WDFY4: variants seen among roughly 807,000 people sequenced by gnomAD.
WDFY4 encodes the protein WDFY family member 4.
In WDFY4, 169 loss-of-function variants were observed where a neutral mutation model predicts 351.9. The observed-to-expected ratio is 0.48, with a 90% CI of 0.42 to 0.55. WDFY4 has a LOEUF of 0.55. Among genes scored for constraint, WDFY4 ranks in the 20% least tolerant of loss-of-function variants. The pLI is 0.00. For synonymous variants in WDFY4, 1,622 were observed against 1,574.6 expected (o/e 1.03, Z -0.71); for missense variants, 3,803 against 3,935.6 (o/e 0.97, Z 0.90).
intron 12 of WDFY4, among the ~76,000 whole-genome samples, chr10:48,759,269 T>C (rs1266512188): frequency 6.6e-6 from 1 of 152,216 alleles, no homozygotes; most frequent in Non-Finnish European, 1.5e-5. Context: ...CAGAGGTTAA[T>C]ATACAACTTT....
chr10:48,846,451 G>A (rs1037656826), intron 39 of WDFY4, among the ~76,000 whole-genome samples: 1 of 152,134 alleles, frequency 6.6e-6, no homozygotes, highest in African/African-American at 2.4e-5. Flanking sequence ...GTTCCTGGTG[G>A]GCAAGCCTTG....
chr10:48,942,408 G>A (rs147777347), intron 48 of WDFY4, among the ~76,000 whole-genome samples: 74 of 151,956 alleles, frequency 4.9e-4, no homozygotes, highest in African/African-American at 1.5e-3. Context: ...GCACGCGCAT[G>A]TGCATGTACC....
chr10:48,691,005 C>G (rs550281259), intron 1 of WDFY4, among the ~76,000 whole-genome samples: 90 of 152,318 alleles, frequency 5.9e-4, no homozygotes, highest in Non-Finnish European at 1.1e-3. Flanking sequence ...CCCCCTGCTG[C>G]CTTCCATGGT....
intron 39 of WDFY4, among the ~76,000 whole-genome samples, chr10:48,855,767 TCCATGGTTAA>T (rs1349473234): frequency 6.6e-6 from 1 of 152,162 alleles, no homozygotes; most frequent in East Asian, 1.9e-4. Flanking sequence ...GTTTGAGTTA[TCCATGGTTAA>T]CCATGGTCCA....
intron 39 of WDFY4, among the ~76,000 whole-genome samples, chr10:48,846,725 C>T (rs1010475186): frequency 6.6e-6 from 1 of 152,184 alleles, no homozygotes; most frequent in Non-Finnish European, 1.5e-5. Flanking sequence ...CTAGTCACAG[C>T]GTGGCTTCCA....
At chr10:48,797,733 C>T (rs1219425252) in intron 24 of WDFY4, among the ~76,000 whole-genome samples, 1 of 152,058 alleles carries the variant, frequency 6.6e-6, no homozygotes, top group East Asian at 1.9e-4. Flanking sequence ...ATAGATGGGA[C>T]TTTTGTGCTG....
At chr10:48,815,206 A>G (rs1392453162) in intron 31 of WDFY4, among the ~76,000 whole-genome samples, 1 of 152,232 alleles carries the variant, frequency 6.6e-6, no homozygotes, top group African/African-American at 2.4e-5. Flanking sequence ...TATCTTGTTC[A>G]GAAGGACTCA....
At chr10:48,976,766 G>A (rs145186850) in intron 58 of WDFY4, 31 bp from the exon 59 acceptor site, 33 of 1,350,414 alleles carry the variant, frequency 2.4e-5, no homozygotes, top group Non-Finnish European at 3.2e-5. Flanking sequence ...AGTGACTCCA[G>A]CTTAGAGTGA....
chr10:48,841,442 C>T (rs1186637475), intron 39 of WDFY4, among the ~76,000 whole-genome samples: 10 of 150,270 alleles, frequency 6.7e-5, no homozygotes, highest in African/African-American at 2.2e-4. Context: ...GCCTTAAATT[C>T]TCTAGCTGAG....
At chr10:48,775,667 G>T in intron 14 of WDFY4, 45 bp from the exon 15 acceptor site, 1 of 1,515,104 alleles carries the variant, frequency 6.6e-7, no homozygotes, top group South Asian at 1.2e-5. Flanking sequence ...GAACACTGTT[G>T]CTAGTAAAAT....
At chr10:48,803,396 A>C in intron 25 of WDFY4, 37 bp downstream of exon 25, 5 of 1,544,442 alleles carry the variant, frequency 3.2e-6, no homozygotes, top group Non-Finnish European at 4.4e-6. Flanking sequence ...GTTAGAACTG[A>C]AGGCTGAATG....
intron 23 of WDFY4, among the ~76,000 whole-genome samples, 156 bp downstream of exon 23, chr10:48,791,073 G>T (rs915543281): frequency 6.6e-6 from 1 of 152,216 alleles, no homozygotes. Context: ...CAGCAACTTC[G>T]CAGCAGAGGA....
In WDFY4 at chr10:48,883,284, A is replaced by G. The variant is rs75950470; in HGVS notation, c.7167+6085A>G. Reference sequence around the variant, plus strand: ...ACTGTGGCCTTATCCCTGGACCACTATGGTTTTGTGTCAAGGACAGGAACT... The same window carrying G: ...ACTGTGGCCTTATCCCTGGACCACTGTGGTTTTGTGTCAAGGACAGGAACT... On this transcript the variant is annotated intron_variant, in intron 43 of 61. Transcript: ENST00000325239. 2.8e-4 allele frequency among the ~76,000 whole-genome samples: 42 copies of G among 152,238 alleles called. No homozygotes were observed. The East Asian group carries it at 2.9e-3, about 11-fold the overall frequency.
chr10:48,694,432 C>G (rs1440452630), intron 1 of WDFY4, among the ~76,000 whole-genome samples: 1 of 152,152 alleles, frequency 6.6e-6, no homozygotes, highest in African/African-American at 2.4e-5. Context: ...CTCTCCAAAG[C>G]CCCTGCTTCT....
chr10:48,720,259 C>T (rs1295805673), intron 3 of WDFY4, 134 bp downstream of exon 3: 3 of 895,052 alleles, frequency 3.4e-6, no homozygotes, highest in Non-Finnish European at 5.0e-6. Context: ...GTAGGCCCCA[C>T]TCTGCCACTG....
chr10:48,819,725 C>T (rs7098906), intron 32 of WDFY4, among the ~76,000 whole-genome samples: 35,052 of 152,106 alleles, frequency 0.23, 5,009 homozygotes, highest in East Asian at 0.71. Flanking sequence ...ACTTCTCCAC[C>T]GTTCTTGCCT....
intron 23 of WDFY4, among the ~76,000 whole-genome samples, chr10:48,795,949 G>A (rs1277590012): frequency 6.6e-6 from 1 of 152,170 alleles, no homozygotes; most frequent in Non-Finnish European, 1.5e-5. Context: ...TCATGGGCAG[G>A]TGGTAGCTTC....
At chr10:48,937,229 T>C (rs1041587633) in intron 47 of WDFY4, among the ~76,000 whole-genome samples, 1 of 152,234 alleles carries the variant, frequency 6.6e-6, no homozygotes, top group African/African-American at 2.4e-5. Flanking sequence ...AGCCTCATAT[T>C]ATGGCATAGT....
intron 43 of WDFY4, among the ~76,000 whole-genome samples, chr10:48,880,345 G>A (rs2070195045): frequency 6.6e-6 from 1 of 152,336 alleles, no homozygotes; most frequent in Middle Eastern, 3.4e-3. Context: ...CTTGCTGGGG[G>A]AGCGGCAAGA....
Sources: allele counts gnomAD v4.1 joint callset (sites outside exome capture counted in the v4.1 genomes callset), GRCh38; gene constraint gnomAD v4.1.1; transcripts MANE v1.5; gene names NCBI Gene and HGNC (gene_info 2026-07-23, HGNC 2026-07-21).